Variants in DPP6 observed in about 807,000 individuals in gnomAD.
DPP6 encodes A-type potassium channel modulatory protein DPP6.
Under a neutral mutation model 122.6 loss-of-function variants are expected in DPP6, and 69 were observed. That is an observed-to-expected ratio of 0.56 (90% CI 0.46 to 0.69). The LOEUF (loss-of-function observed/expected upper bound fraction) is 0.69, where lower values mean the gene tolerates loss of function less well. DPP6 is among the 30% of genes least tolerant of loss of function. The pLI is 0.00. For missense variants in DPP6, 928 were observed against 1,116.9 expected (o/e 0.83, Z 2.41); for synonymous variants, 418 against 433.1 (o/e 0.97, Z 0.43).
intron 1 of DPP6, chr7:154,305,664 G>T (rs922937153): frequency 6.9e-6 from 10 of 1,445,642 alleles, no homozygotes; most frequent in South Asian, 2.6e-5. Context: ...ATTTGGGGAA[G>T]AATTTTGTAT....
intron 5 of DPP6, among the ~76,000 whole-genome samples, chr7:154,610,347 G>A (rs562518474): frequency 1.4e-3 from 206 of 152,214 alleles, no homozygotes; most frequent in African/African-American, 4.6e-3. Flanking sequence ...AAAAAATATC[G>A]ATGGGGAGGC....
At chr7:154,263,964 T>C (rs1392369140) in intron 1 of DPP6, among the ~76,000 whole-genome samples, 2 of 152,170 alleles carry the variant, frequency 1.3e-5, no homozygotes, top group Non-Finnish European at 2.9e-5. Flanking sequence ...GTGCTGAAAT[T>C]ATAGGCGTGA....
intron 1 of DPP6, among the ~76,000 whole-genome samples, chr7:154,208,404 C>T (rs1799566834): frequency 6.6e-6 from 1 of 152,232 alleles, no homozygotes; most frequent in African/African-American, 2.4e-5. Flanking sequence ...AAGACCCCTT[C>T]ACAACCAAAG....
the DPP6 span, among the ~76,000 whole-genome samples, chr7:153,852,843 T>G: frequency 3.9e-5 from 6 of 152,344 alleles, no homozygotes; most frequent in Non-Finnish European, 5.9e-5. Context: ...GTTAAGTACT[T>G]TTTTGATTTT....
chr7:153,849,365 C>A, the DPP6 span, among the ~76,000 whole-genome samples: 1 of 151,536 alleles, frequency 6.6e-6, no homozygotes, highest in Non-Finnish European at 1.5e-5. Flanking sequence ...TTTCCTGGTT[C>A]ACCTGCTGAA....
intron 3 of DPP6, among the ~76,000 whole-genome samples, chr7:154,519,438 C>T (rs1184563112): frequency 2.0e-5 from 3 of 152,226 alleles, no homozygotes; most frequent in Non-Finnish European, 4.4e-5. Context: ...GTTTGTGACA[C>T]ATGCCAGATC....
At position 154,892,847 on chromosome 7, in the gene DPP6, A is replaced by G. The variant is rs748837935; in HGVS notation, c.*367A>G. ...ATTCCAGCCACCAAGCGGAAGCATGAGACCCGCCCACACTAGCCTCTGTGT... is the reference window on the plus strand; with the variant it reads ...ATTCCAGCCACCAAGCGGAAGCATGGGACCCGCCCACACTAGCCTCTGTGT... On this transcript the variant is annotated 3_prime_UTR_variant, in exon 26 of 26. Coordinates refer to ENST00000377770, the MANE Select transcript of DPP6 (RefSeq NM_130797.4). 3.7e-6 allele frequency: 2 copies of G among 542,582 alleles called. No homozygotes were observed. The highest frequency in any genetic ancestry group is 2.8e-5 in the South Asian group (2 of 71,796). 33.6% of individuals were successfully genotyped at this position (542,582 alleles called of 1,614,324 possible).
the DPP6 span, among the ~76,000 whole-genome samples, chr7:153,830,243 C>A: frequency 6.6e-6 from 1 of 152,248 alleles, no homozygotes; most frequent in South Asian, 2.1e-4. Flanking sequence ...GCCAAAAAGC[C>A]CTCAGCGAAG....
intron 7 of DPP6, among the ~76,000 whole-genome samples, chr7:154,725,458 G>A (rs1586963313): frequency 6.6e-6 from 1 of 152,122 alleles, no homozygotes; most frequent in African/African-American, 2.4e-5. Flanking sequence ...TTACATGGGG[G>A]AGCAAGAGAA....
intron 1 of DPP6, among the ~76,000 whole-genome samples, chr7:153,916,946 A>G (rs909839438): frequency 6.6e-6 from 1 of 152,220 alleles, no homozygotes; most frequent in Non-Finnish European, 1.5e-5. Context: ...GTAATTTGTG[A>G]ATAGAGCATC....
intron 5 of DPP6, among the ~76,000 whole-genome samples, chr7:154,637,397 A>G (rs1054153185): frequency 1.3e-5 from 2 of 152,222 alleles, no homozygotes; most frequent in Non-Finnish European, 2.9e-5. Context: ...GAAGACACAC[A>G]GTGGAATTTC....
At position 154,894,135 on chromosome 7, in the gene DPP6, T is replaced by G. The variant is rs1430789211; in HGVS notation, c.*1655T>G. The G allele has an allele frequency of 6.6e-6, 1 of 152,226 alleles. No individual in the cohort carries two copies. The highest frequency in any genetic ancestry group is 2.4e-5 in the African/African-American group (1 of 41,458). 9.4% of individuals were successfully genotyped at this position (152,226 alleles called of 1,614,324 possible). On this transcript the variant is annotated 3_prime_UTR_variant, in exon 26 of 26. Transcript: ENST00000377770. ...GACCGATCCGAGTGCTACATGACTGTGCGTTTGCTATTTCAATGGGCCTGA... is the reference window on the plus strand; with the variant it reads ...GACCGATCCGAGTGCTACATGACTGGGCGTTTGCTATTTCAATGGGCCTGA...
chr7:154,844,960 C>T (rs918049283), intron 16 of DPP6, among the ~76,000 whole-genome samples: 2 of 152,160 alleles, frequency 1.3e-5, no homozygotes, highest in African/African-American at 4.8e-5. Context: ...GACTGCTACC[C>T]TTGGAACTTA....
chr7:154,511,685 A>G (rs1320168529), intron 3 of DPP6, among the ~76,000 whole-genome samples: 4 of 152,216 alleles, frequency 2.6e-5, no homozygotes, highest in Non-Finnish European at 4.4e-5. Flanking sequence ...AATAAATACA[A>G]GTATGTCCTG....
At chr7:153,842,738 G>A in the DPP6 span, among the ~76,000 whole-genome samples, 2 of 152,032 alleles carry the variant, frequency 1.3e-5, no homozygotes, top group South Asian at 2.1e-4. Context: ...CTGATTGATT[G>A]GAAATTCACT....
At chr7:154,792,869 C>G (rs1240278021) in intron 10 of DPP6, among the ~76,000 whole-genome samples, 1 of 152,248 alleles carries the variant, frequency 6.6e-6, no homozygotes, top group African/African-American at 2.4e-5. Flanking sequence ...GACCTCCCCT[C>G]CTGGCCATGC....
At chr7:154,091,785 G>A (rs1804866672) in intron 1 of DPP6, among the ~76,000 whole-genome samples, 1 of 152,036 alleles carries the variant, frequency 6.6e-6, no homozygotes, top group South Asian at 2.1e-4. Context: ...ACCAGATGAA[G>A]AGACCGGGTC....
At chr7:154,680,722 G>A (rs991555145) in intron 7 of DPP6, among the ~76,000 whole-genome samples, 14 of 151,638 alleles carry the variant, frequency 9.2e-5, no homozygotes, top group Admixed American at 6.6e-4. Context: ...AGAAGAAAAT[G>A]TATTGTTAAA....
chr7:154,127,003 A>G (rs1299216336), intron 1 of DPP6, among the ~76,000 whole-genome samples: 1 of 152,196 alleles, frequency 6.6e-6, no homozygotes, highest in African/African-American at 2.4e-5. Flanking sequence ...GGGGATTTCA[A>G]GATGGGATTG....
Sources: allele counts gnomAD v4.1 joint callset (sites outside exome capture counted in the v4.1 genomes callset), GRCh38; gene constraint gnomAD v4.1.1; transcripts MANE v1.5; gene names NCBI Gene and HGNC (gene_info 2026-07-23, HGNC 2026-07-21).